The following LGMN variants were observed in gnomAD, a reference collection of about 807,000 sequenced individuals.
LGMN encodes legumain.
LGMN carries 36 observed loss-of-function variants against 56.8 expected under a neutral mutation model. That is an observed-to-expected ratio of 0.63 (90% CI 0.49 to 0.84). The LOEUF is 0.84. Ranked by LOEUF, LGMN falls within the 40% of genes least tolerant of loss-of-function variation. LGMN has a pLI of 0.00. For missense variants in LGMN, 446 were observed against 556.1 expected, an observed-to-expected ratio of 0.80 and a Z score of 1.99; for synonymous variants, 199 against 210.1, an observed-to-expected ratio of 0.95 and a Z score of 0.46.
At chr14:92,739,792 T>C (rs1280841414) in intron 1 of LGMN, among the ~76,000 whole-genome samples, 1 of 152,172 alleles carries the variant, frequency 6.6e-6, no homozygotes, top group Non-Finnish European at 1.5e-5. Flanking sequence ...AGCCTTATGG[T>C]GGGATACTGT....
intron 1 of LGMN, among the ~76,000 whole-genome samples, chr14:92,740,526 A>T (rs1398743204): frequency 6.6e-6 from 1 of 152,094 alleles, no homozygotes; most frequent in East Asian, 1.9e-4. Context: ...CCACTACATC[A>T]CCTGCTTGTC....
intron 2 of LGMN, among the ~76,000 whole-genome samples, chr14:92,719,346 C>T (rs1389266851): frequency 1.4e-5 from 2 of 143,842 alleles, no homozygotes; most frequent in Non-Finnish European, 3.0e-5. Flanking sequence ...CCATCACCGC[C>T]ACCACCACCA....
At position 92,712,790 on chromosome 14, in the gene LGMN, G is replaced by A. The variant is rs201611286; in HGVS notation, c.610+15C>T. On this transcript the variant is annotated intron_variant, in intron 8 of 13. Transcript: ENST00000334869. ...CTTGCCAGCCCAGGTCGAGGCCGGC[G>A]CCCCAACCACCTACCATTGATGTTA... 289 of 1,612,636 alleles carry A rather than the reference G, an allele frequency of 1.8e-4. 1 individual carries two copies. The Middle Eastern group carries it at 4.3e-3, about 24-fold the overall frequency.
chr14:92,727,582 C>T (rs1890804412), intron 2 of LGMN, among the ~76,000 whole-genome samples: 1 of 152,154 alleles, frequency 6.6e-6, no homozygotes, highest in South Asian at 2.1e-4. Flanking sequence ...GGCCACGCCC[C>T]TCACTGTGAT....
intron 1 of LGMN, chr14:92,743,091 G>A (rs1891640673): frequency 6.6e-6 from 1 of 152,088 alleles, no homozygotes; most frequent in Admixed American, 6.6e-5. Flanking sequence ...CTAACTCAGG[G>A]GAGACCCTTC....
intron 1 of LGMN, among the ~76,000 whole-genome samples, chr14:92,736,723 C>T (rs1249126790): frequency 6.6e-6 from 1 of 152,156 alleles, no homozygotes; most frequent in Non-Finnish European, 1.5e-5. Context: ...TAACCATAAA[C>T]ATCCTGTGAC....
intron 2 of LGMN, among the ~76,000 whole-genome samples, chr14:92,727,053 C>G (rs1340070502): frequency 6.6e-6 from 1 of 152,296 alleles, no homozygotes; most frequent in East Asian, 1.9e-4. Flanking sequence ...TTGGATGTGA[C>G]ACCTGGAGCT....
chr14:92,734,144 A>G (rs2140266464), intron 1 of LGMN, among the ~76,000 whole-genome samples: 1 of 152,372 alleles, frequency 6.6e-6, no homozygotes, highest in South Asian at 2.1e-4. Context: ...TGGACATACC[A>G]TCTGTACAAC....
chr14:92,744,783 G>C (rs1403382607), intron 1 of LGMN, among the ~76,000 whole-genome samples: 2 of 151,914 alleles, frequency 1.3e-5, no homozygotes, highest in African/African-American at 2.4e-5. Context: ...TTTTAGTAGA[G>C]ACGGGGTTTC....
At chr14:92,729,686 T>C (rs1435810942) in intron 2 of LGMN, among the ~76,000 whole-genome samples, 1 of 152,184 alleles carries the variant, frequency 6.6e-6, no homozygotes, top group Non-Finnish European at 1.5e-5. Context: ...TAAACCTCTA[T>C]GAAAATGTAA....
chr14:92,735,331 T>C (rs1891252333), intron 1 of LGMN, among the ~76,000 whole-genome samples: 1 of 152,128 alleles, frequency 6.6e-6, no homozygotes, highest in Non-Finnish European at 1.5e-5. Flanking sequence ...CTCAGCCTCC[T>C]GAGTAGCTGA....
chr14:92,719,333 CCGCCATCACCGCCA>C (rs1890325498), intron 2 of LGMN, among the ~76,000 whole-genome samples: 1 of 108,772 alleles, frequency 9.2e-6, no homozygotes, highest in Non-Finnish European at 1.8e-5. Context: ...GCCACCGCCA[CCGCCATCACCGCCA>C]CCACCACCAA....
At position 92,714,400 on chromosome 14, in the gene LGMN, T is replaced by G. The variant is rs748216979; in HGVS notation, c.456A>C (p.Gly152=). 1.2e-6 allele frequency: 2 copies of G among 1,611,802 alleles called. No individual in the cohort carries two copies. The highest frequency in any genetic ancestry group is 2.2e-5 in the East Asian group (1 of 44,870). ...FIYFTDHGST[G]ILVFPNEDLH... ...CATCTTCATTGGGAAAAACCAGTAT[T>G]CCAGTAGATCCATGGTCAGTGAAGT... Residue 152 remains glycine (G), a synonymous_variant, in exon 6 of 14, where the codon GGA becomes GGC. Coordinates refer to ENST00000334869, the MANE Select transcript of LGMN (RefSeq NM_005606.7). This position sits in a 1 kb window ranked among gnomAD's most constrained non-coding sequence, Gnocchi z 5.1.
chr14:92,733,119 G>A (rs1316718122), intron 1 of LGMN, among the ~76,000 whole-genome samples: 3 of 141,132 alleles, frequency 2.1e-5, no homozygotes, highest in African/African-American at 8.1e-5. Context: ...CCATACTCCA[G>A]TCTGGGTGAC....
intron 1 of LGMN, among the ~76,000 whole-genome samples, chr14:92,738,801 G>C (rs1302170233): frequency 6.6e-6 from 1 of 151,404 alleles, no homozygotes; most frequent in South Asian, 2.1e-4. Flanking sequence ...TGGGCAGATC[G>C]TGAGGTCAAG....
intron 11 of LGMN, among the ~76,000 whole-genome samples, chr14:92,707,509 C>T (rs996483851): frequency 5.3e-5 from 8 of 152,286 alleles, no homozygotes; most frequent in South Asian, 2.1e-4. Flanking sequence ...CGCCCGACGG[C>T]GAAAGCAGAA....
chr14:92,713,239 G>GTTTTGTTT (rs1889889315), intron 7 of LGMN, among the ~76,000 whole-genome samples: 1 of 151,556 alleles, frequency 6.6e-6, no homozygotes, highest in Non-Finnish European at 1.5e-5. Flanking sequence ...GTTTTTTTTT[G>GTTTTGTTT]TTTTGTTTTT....
chr14:92,719,248 ACCACCACCACCGCCACCG>A (rs1667379038), intron 2 of LGMN, among the ~76,000 whole-genome samples: 2 of 22,500 alleles, frequency 8.9e-5, no homozygotes, highest in African/African-American at 3.7e-4. Context: ...CACCACCGCC[ACCACCACCACCGCCACCG>A]CCGCCGCCGC....
chr14:92,737,120 G>A (rs1281631202), intron 1 of LGMN, among the ~76,000 whole-genome samples: 1 of 152,138 alleles, frequency 6.6e-6, no homozygotes, highest in Non-Finnish European at 1.5e-5. Flanking sequence ...TGGCTTTGCA[G>A]GCCAGGCCAT....
Sources: allele counts gnomAD v4.1 joint callset (sites outside exome capture counted in the v4.1 genomes callset), GRCh38; gene constraint gnomAD v4.1.1; non-coding constraint Gnocchi (gnomAD v3.1); transcripts MANE v1.5; gene names NCBI Gene and HGNC (gene_info 2026-07-23, HGNC 2026-07-21).